The following CTNNA2 variants were observed in gnomAD, a reference collection of about 807,000 sequenced individuals.
The protein encoded by CTNNA2 is catenin alpha-2.
Under a neutral mutation model 101.0 loss-of-function variants are expected in CTNNA2, and 42 were observed. The observed-to-expected ratio is 0.42, with a 90% CI of 0.32 to 0.54. CTNNA2 has a LOEUF of 0.54. CTNNA2 is among the 20% of genes least tolerant of loss of function. The pLI, the probability that CTNNA2 is intolerant of heterozygous loss-of-function variation, is 0.14. For missense variants in CTNNA2, 871 were observed against 1,223.1 expected, an observed-to-expected ratio of 0.71 and a Z score of 4.29; for synonymous variants, 450 against 456.4, an observed-to-expected ratio of 0.99 and a Z score of 0.18.
chr2:79,186,961 C>T (rs1673785348), intron 1 of CTNNA2, among the ~76,000 whole-genome samples: 1 of 152,178 alleles, frequency 6.6e-6, no homozygotes, highest in African/African-American at 2.4e-5. Flanking sequence ...TGCATTTCTA[C>T]CTCTTTTATA....
At chr2:80,538,093 T>C (rs940857006) in intron 9 of CTNNA2, among the ~76,000 whole-genome samples, 11 of 152,144 alleles carry the variant, frequency 7.2e-5, no homozygotes, top group African/African-American at 2.4e-4. Context: ...TTCTTGTAAA[T>C]TTAAGTTCCT....
At chr2:79,786,064 G>A (rs925402) in intron 3 of CTNNA2, among the ~76,000 whole-genome samples, 1,614 of 152,232 alleles carry the variant, frequency 0.011, 51 homozygotes, top group East Asian at 0.095. Flanking sequence ...GAAACACATT[G>A]TTATTGATTG....
chr2:79,273,459 G>A (rs551049173), intron 2 of CTNNA2, among the ~76,000 whole-genome samples: 1 of 152,120 alleles, frequency 6.6e-6, no homozygotes, highest in East Asian at 1.9e-4. Flanking sequence ...TGGAAACAAA[G>A]AGATCATTCT....
Position 79,883,044 on chromosome 2 carries a change from A to T in CTNNA2, c.852+8702A>T, listed in dbSNP as rs147593926. ...TAGTCAGTTCTGATGAGAGAACCTG[A>T]TACTTTGGTTGCGGTGAAGGATTCA... On this transcript the variant is annotated intron_variant, in intron 6 of 18. Coordinates refer to ENST00000402739, the MANE Select transcript of CTNNA2 (RefSeq NM_001282597.3). 3.4e-3 allele frequency among the ~76,000 whole-genome samples: 513 copies of T among 152,192 alleles called. 4 individuals are homozygous for T. The highest frequency in any genetic ancestry group is 0.012 in the African/African-American group (484 of 41,526).
intron 5 of CTNNA2, among the ~76,000 whole-genome samples, chr2:79,870,902 C>A (rs899445100): frequency 6.6e-6 from 1 of 152,084 alleles, no homozygotes; most frequent in Non-Finnish European, 1.5e-5. Flanking sequence ...GTGGGGTTTA[C>A]AATTCAAGAT....
At chr2:79,765,887 A>T (rs1673116831) in intron 3 of CTNNA2, among the ~76,000 whole-genome samples, 1 of 152,128 alleles carries the variant, frequency 6.6e-6, no homozygotes, top group Non-Finnish European at 1.5e-5. Context: ...CATTGCCTAG[A>T]TTATAATTAC....
chr2:79,196,332 T>C (rs1192520567), intron 1 of CTNNA2, among the ~76,000 whole-genome samples: 1 of 152,162 alleles, frequency 6.6e-6, no homozygotes, highest in Non-Finnish European at 1.5e-5. Context: ...TCCTGCCAAG[T>C]AGTGATTTTT....
At position 80,508,339 on chromosome 2, in the gene CTNNA2, G is replaced by T. The variant is rs369244291; in HGVS notation, c.1291-36643G>T. Among the ~76,000 whole-genome samples, 4 of 152,056 alleles carry T rather than the reference G, an allele frequency of 2.6e-5. 1 individual carries two copies. In the South Asian group the frequency reaches 6.2e-4, roughly 24 times the overall value. Reference sequence around the variant, plus strand: ...AAATAATAATAATTTTAAAAAATTAGCCAGGCGTGGTGACACACACCTGTA... The same window carrying T: ...AAATAATAATAATTTTAAAAAATTATCCAGGCGTGGTGACACACACCTGTA... On this transcript the variant is annotated intron_variant, in intron 9 of 18. Transcript: ENST00000402739.
rs560567839 is a variant in CTNNA2 at position 80,640,114 on chromosome 2, A to C, written c.2575-7471A>C. ...GATAACATCTCAAAAAAAAACAAAA[A>C]AACAAAAAAGTCAGTATCAGACAAT... On this transcript the variant is annotated intron_variant, in intron 18 of 18. Coordinates refer to ENST00000402739, the MANE Select transcript of CTNNA2 (RefSeq NM_001282597.3). Among the ~76,000 whole-genome samples the C allele has an allele frequency of 7.2e-5, 11 of 152,256 alleles. 1 individual carries two copies. The South Asian group carries it at 1.9e-3, about 26-fold the overall frequency.
intron 7 of CTNNA2, among the ~76,000 whole-genome samples, chr2:80,025,778 T>G (rs1694890186): frequency 6.6e-6 from 1 of 152,194 alleles, no homozygotes; most frequent in African/African-American, 2.4e-5. Context: ...GAGGTATAGC[T>G]ACCAGGAATC....
rs1553385595 is a variant in CTNNA2, at chr2:79,242,999, C to CACACACACACACACAT, written c.-406+44938_-406+44939insTACACACACACACACA. Among the ~76,000 whole-genome samples the CACACACACACACACAT allele has an allele frequency of 9.0e-3, 993 of 109,736 alleles. 22 individuals carry two copies. The highest frequency in any genetic ancestry group is 0.025 in the African/African-American group (813 of 32,162). The allele number at this position is 109,736 out of a possible 152,430, so 72.0% of individuals were successfully genotyped here. On this transcript the variant is annotated intron_variant, in intron 2 of 21. Coordinates refer to the CTNNA2 transcript ENST00000466387. ...ATATATATATATATATATATACACA[C>CACACACACACACACAT]ACACACACACACACACACACACACA...
At chr2:80,506,627 C>G in intron 9 of CTNNA2, among the ~76,000 whole-genome samples, 1 of 152,182 alleles carries the variant, frequency 6.6e-6, no homozygotes, top group Non-Finnish European at 1.5e-5. Flanking sequence ...CAGGTGGGTT[C>G]TTATTAGAGT....
intron 9 of CTNNA2, among the ~76,000 whole-genome samples, chr2:80,445,933 C>T (rs1051871813): frequency 2.0e-5 from 3 of 152,182 alleles, no homozygotes; most frequent in Non-Finnish European, 4.4e-5. Flanking sequence ...GGGTGAATCA[C>T]TCAGCATTTC....
intron 1 of CTNNA2, among the ~76,000 whole-genome samples, chr2:79,527,356 G>C (rs1265679226): frequency 6.6e-6 from 1 of 151,712 alleles, no homozygotes; most frequent in Non-Finnish European, 1.5e-5. Flanking sequence ...TATTAGGCCA[G>C]GCGCGGTGCC....
At chr2:80,374,458 G>T (rs1011787078) in intron 7 of CTNNA2, among the ~76,000 whole-genome samples, 10 of 152,082 alleles carry the variant, frequency 6.6e-5, no homozygotes, top group Non-Finnish European at 1.2e-4. Context: ...CCAATTTACC[G>T]TTCATGGGTA....
intron 2 of CTNNA2, among the ~76,000 whole-genome samples, chr2:79,284,666 A>T (rs1675506772): frequency 6.7e-6 from 1 of 150,060 alleles, no homozygotes; most frequent in Admixed American, 6.6e-5. Flanking sequence ...TTTTGCCAGT[A>T]TTTTATTGAG....
intron 4 of CTNNA2, among the ~76,000 whole-genome samples, chr2:79,482,312 A>C (rs1671117072): frequency 6.6e-6 from 1 of 152,166 alleles, no homozygotes. Flanking sequence ...AAGTATCTTC[A>C]CCTTTCTTCC....
At chr2:80,640,991 A>G (rs76098091) in intron 18 of CTNNA2, among the ~76,000 whole-genome samples, 229 of 152,332 alleles carry the variant, frequency 1.5e-3, no homozygotes, top group African/African-American at 5.3e-3. Flanking sequence ...TTATATGTTA[A>G]AGCTATGCTA....
intron 7 of CTNNA2, among the ~76,000 whole-genome samples, chr2:80,350,301 T>A (rs1214904330): frequency 6.6e-6 from 1 of 152,176 alleles, no homozygotes. Flanking sequence ...GATTTCCGAA[T>A]GAAATGGTAA....
Sources: allele counts gnomAD v4.1 joint callset (sites outside exome capture counted in the v4.1 genomes callset), GRCh38; gene constraint gnomAD v4.1.1; transcripts MANE v1.5; gene names NCBI Gene and HGNC (gene_info 2026-07-23, HGNC 2026-07-21).